The following MNS1 variants were observed in gnomAD, a reference collection of about 807,000 sequenced individuals.
MNS1 encodes the protein meiosis-specific nuclear structural protein 1.
Under a neutral mutation model 72.0 loss-of-function variants are expected in MNS1, and 63 were observed. The ratio of observed to expected loss-of-function variants is 0.87; its 90% confidence interval spans 0.71 to 1.08. The LOEUF (loss-of-function observed/expected upper bound fraction) is 1.08, where lower values mean the gene tolerates loss of function less well. Among genes scored for constraint, MNS1 ranks in the 50% least tolerant of loss-of-function variants. The pLI is 0.00. For synonymous variants in MNS1, 188 were observed against 172.1 expected (o/e 1.09, Z -0.72); for missense variants, 604 against 562.4 (o/e 1.07, Z -0.75).
Position 56,460,009 on chromosome 15 carries a change from A to AAAAAAAAAAAAAAATATAT in MNS1, c.226-3489_226-3488insATATATTTTTTTTTTTTTT. Among the ~76,000 whole-genome samples, 7 of 26,380 alleles carry AAAAAAAAAAAAAAATATAT rather than the reference A, an allele frequency of 2.7e-4. 2 individuals carry two copies. The highest frequency in any genetic ancestry group is 1.1e-3 in the East Asian group (1 of 876). The allele number at this position is 26,380 out of a possible 152,430, so 17.3% of individuals were successfully genotyped here. A position where few individuals can be genotyped will look rare whatever the true frequency, so the allele number is the denominator to read the frequency against. On this transcript the variant is annotated intron_variant, in intron 2 of 9. Transcript: ENST00000260453. Reference sequence around the variant, plus strand: ...CTGTCTCAAAAAAAAAAAAAAAAAAAATACATATATATATATATATATATA... The same window carrying AAAAAAAAAAAAAAATATAT: ...CTGTCTCAAAAAAAAAAAAAAAAAAAAAAAAAAAAAAAAATATATATACATATATATATATATATATATA...
intron 3 of MNS1, among the ~76,000 whole-genome samples, chr15:56,451,710 T>G (rs747342630): frequency 3.3e-4 from 38 of 114,400 alleles, no homozygotes; most frequent in Non-Finnish European, 7.4e-4. Context: ...GCATTCACAG[T>G]AGGTTCCTCA....
In MNS1 at chr15:56,444,558, A is replaced by G; in HGVS notation, c.572T>C (p.Leu191Ser). The part of the protein sequence containing the change: ...NKAKAQYYLD[L>S]EKQLEEQEKK... ...TTCTTGTTCTTCAAGTTGTTTCTCT[A>G]AGTCAAGATAGTACTGTGCTTTCGC... Residue 191 changes from leucine (L) to serine (S), a missense_variant, in exon 5 of 10, where the codon TTA becomes TCA. Physicochemically the swap from Leu to Ser is moderately radical, Grantham distance 145 (BLOSUM62 -2). Transcript: ENST00000260453. 1.2e-6 allele frequency: 2 copies of G among 1,612,598 alleles called. No homozygotes were observed. The highest frequency in any genetic ancestry group is 1.7e-6 in the Non-Finnish European group (2 of 1,179,436).
At chr15:56,451,101 T>G (rs1013163431) in intron 3 of MNS1, among the ~76,000 whole-genome samples, 1 of 152,244 alleles carries the variant, frequency 6.6e-6, no homozygotes, top group Admixed American at 6.5e-5. Context: ...TTGTAAGAGT[T>G]CTTTATATAT....
At chr15:56,434,704 T>G (rs1028732215) in intron 7 of MNS1, among the ~76,000 whole-genome samples, 4 of 152,144 alleles carry the variant, frequency 2.6e-5, no homozygotes, top group African/African-American at 4.8e-5. Flanking sequence ...TTTGCACACC[T>G]GAGTTTATTC....
In MNS1 at chr15:56,428,946, T is replaced by C. The variant is rs1287973823; in HGVS notation, c.*155A>G. ...ACAGCTTGATTAAAATTAATTTGTA[T>C]CTGATAATTGTTTACAAGTTATGAA... On this transcript the variant is annotated 3_prime_UTR_variant, in exon 10 of 10. Coordinates refer to ENST00000260453, the MANE Select transcript of MNS1 (RefSeq NM_018365.4). 5.4e-6 allele frequency: 3 copies of C among 555,466 alleles called. No individual in the cohort carries two copies. The highest frequency in any genetic ancestry group is 9.4e-6 in the Non-Finnish European group (3 of 319,908). 34.4% of individuals were successfully genotyped at this position (555,466 alleles called of 1,614,324 possible).
At chr15:56,431,208 C>G (rs1394921502) in intron 9 of MNS1, among the ~76,000 whole-genome samples, 165 bp downstream of exon 9, 1 of 152,160 alleles carries the variant, frequency 6.6e-6, no homozygotes, top group East Asian at 1.9e-4. Context: ...TTTAGATATA[C>G]TGAAATGGGC....
chr15:56,465,009 C>G lies in MNS1; in HGVS notation c.-37G>C, dbSNP rs376373129. 33 of 1,601,444 alleles carry G rather than the reference C, an allele frequency of 2.1e-5. No homozygotes were observed. The South Asian group carries it at 3.7e-4, about 18-fold the overall frequency. ...AAAAATACCCCCTCTCGTGGGACCG[C>G]GGCCACCACCTCCCGCCGCAAACGC... On this transcript the variant is annotated 5_prime_UTR_variant, in exon 1 of 10. Transcript: ENST00000260453.
intron 8 of MNS1, among the ~76,000 whole-genome samples, chr15:56,432,792 T>C (rs1478998851): frequency 6.6e-6 from 1 of 152,184 alleles, no homozygotes; most frequent in Non-Finnish European, 1.5e-5. Flanking sequence ...ATAACAGCAC[T>C]TGTATTCCCA....
At chr15:56,448,709 C>G (rs1020812997) in intron 3 of MNS1, among the ~76,000 whole-genome samples, 12 of 146,240 alleles carry the variant, frequency 8.2e-5, no homozygotes, top group Admixed American at 8.2e-4. Context: ...AATGCATATG[C>G]TTTTTTTGGT....
intron 7 of MNS1, among the ~76,000 whole-genome samples, chr15:56,439,327 A>T (rs1245346515): frequency 5.9e-5 from 9 of 152,240 alleles, no homozygotes; most frequent in African/African-American, 2.2e-4. Context: ...GAATTTATCA[A>T]TTCTCCCCAA....
Position 56,436,127 on chromosome 15 carries a change from C to T in MNS1, c.1012-1732G>A, listed in dbSNP as rs180677356. Among the ~76,000 whole-genome samples the T allele has an allele frequency of 1.9e-3, 287 of 152,254 alleles. 1 individual carries two copies. The Middle Eastern group carries it at 0.024, about 13-fold the overall frequency. The stretch of plus-strand genomic sequence containing the variant: ...AGACCTAATAGACATCTACAGAACT[C>T]TCCAGCCCAAATCAACAGAATATAC... On this transcript the variant is annotated intron_variant, in intron 7 of 9. Transcript: ENST00000260453.
chr15:56,431,244 G>C, intron 9 of MNS1, 129 bp downstream of exon 9: 1 of 1,015,274 alleles, frequency 9.8e-7, no homozygotes, highest in Non-Finnish European at 1.4e-6. Flanking sequence ...GCCTGGACAG[G>C]AGGATCCCAT....
Position 56,464,205 on chromosome 15 carries a change from T to A in MNS1, c.46A>T (p.Lys16Ter), listed in dbSNP as rs767878514. ...RNLSCSERHQ[K>*]LVDENYCKKL... is the part of the protein sequence containing the mutation. ...TTGCAGTAGTTTTCATCTACTAATTTCTGATGCCTTTCACTACAGCTCAAA... is the reference window on the plus strand; with the variant it reads ...TTGCAGTAGTTTTCATCTACTAATTACTGATGCCTTTCACTACAGCTCAAA... Residue 16 changes from lysine to a stop codon, truncating the protein, a stop_gained, in exon 2 of 10, where the codon AAA becomes TAA. Coordinates refer to ENST00000260453, the MANE Select transcript of MNS1 (RefSeq NM_018365.4). LOFTEE classifies it high-confidence loss of function. 6.2e-7 allele frequency: 1 copy of A among 1,613,904 alleles called. No individual in the cohort carries two copies.
At chr15:56,446,790 T>G (rs774770819) in intron 4 of MNS1, 51 bp downstream of exon 4, 1 of 1,380,168 alleles carries the variant, frequency 7.2e-7, no homozygotes, top group South Asian at 1.3e-5. Context: ...ACAAGTCTAA[T>G]TTTTATTTTC....
At chr15:56,438,158 G>A (rs1349114620) in intron 7 of MNS1, among the ~76,000 whole-genome samples, 3 of 152,100 alleles carry the variant, frequency 2.0e-5, no homozygotes, top group Non-Finnish European at 2.9e-5. Flanking sequence ...ACATTGCCAA[G>A]ACAATCCTAA....
intron 4 of MNS1, 89 bp from the exon 5 acceptor site, chr15:56,444,762 A>G: frequency 8.8e-7 from 1 of 1,133,756 alleles, no homozygotes; most frequent in Non-Finnish European, 1.3e-6. Flanking sequence ...GAATATTATA[A>G]AGTCTTTTAC....
At chr15:56,430,120 GA>G (rs2050536661) in intron 9 of MNS1, 2 of 152,100 alleles carry the variant, frequency 1.3e-5, no homozygotes, top group South Asian at 4.1e-4. Context: ...TGATTCTACT[GA>G]ATAAAATATG....
chr15:56,440,737 C>T (rs2050802806), intron 7 of MNS1, among the ~76,000 whole-genome samples: 1 of 152,050 alleles, frequency 6.6e-6, no homozygotes, highest in Non-Finnish European at 1.5e-5. Flanking sequence ...TGTTTGATAT[C>T]ATTTATATAA....
intron 7 of MNS1, among the ~76,000 whole-genome samples, chr15:56,435,738 A>C (rs1271370649): frequency 6.6e-6 from 1 of 151,982 alleles, no homozygotes; most frequent in African/African-American, 2.4e-5. Context: ...AATTCTATCA[A>C]ATATTTAAAA....
Sources: gnomAD v4.1 joint callset for allele counts (sites outside exome capture counted in the v4.1 genomes callset) on GRCh38, gnomAD v4.1.1 for gene constraint, MANE v1.5 for transcripts, NCBI Gene and HGNC (gene_info 2026-07-23, HGNC 2026-07-21) for gene names.